MRPL4: variants seen among roughly 807,000 people sequenced by gnomAD.
The protein encoded by MRPL4 is mitochondrial ribosomal protein L4, also known as large ribosomal subunit protein uL4m.
A neutral mutation model predicts 34.1 loss-of-function variants in MRPL4; 34 were observed. That is an observed-to-expected ratio of 1.00 (90% CI 0.76 to 1.33). MRPL4 has a LOEUF of 1.33. Ranked by LOEUF, MRPL4 falls within the 40% of genes most tolerant of loss-of-function variation. MRPL4 has a pLI of 0.00. For missense variants in MRPL4, 402 were observed against 434.6 expected, an observed-to-expected ratio of 0.92 and a Z score of 0.67; for synonymous variants, 196 against 188.3, an observed-to-expected ratio of 1.04 and a Z score of -0.33.
intron 5 of MRPL4, 41 bp downstream of exon 5, chr19:10,256,866 G>GGGGGGGGGGGTGGGGGGGGGGGGGC: frequency 2.6e-6 from 1 of 378,382 alleles, no homozygotes; most frequent in Non-Finnish European, 5.0e-6. Context: ...GGGTGGGGGG[G>GGGGGGGGGGGTGGGGGGGGGGGGGC]CCAGGGAAGG....
chr19:10,254,690 T>C, intron 4 of MRPL4, 50 bp downstream of exon 4: 1 of 1,606,126 alleles, frequency 6.2e-7, no homozygotes, highest in Non-Finnish European at 8.5e-7. Flanking sequence ...CCTGGGGAGG[T>C]TGGGGATAGG....
chr19:10,259,557 T>C (rs1002052378), intron 8 of MRPL4, 60 bp from the exon 9 acceptor site: 1 of 1,542,070 alleles, frequency 6.5e-7, no homozygotes, highest in Non-Finnish European at 8.7e-7. Flanking sequence ...GTGGGTGGGG[T>C]GAGGAGAGAG....
rs757977349 is a variant in MRPL4, at chr19:10,252,299, A to C, written c.46A>C (p.Thr16Pro). The stretch of plus-strand genomic sequence containing the variant: ...CGGGGCGCGGGCCTGGCTTCGGCCT[A>C]CCGGCAGCCAGGTGAGGCCAGGGGC... ...RAGARAWLRPTGSQGLSSLAE... is the reference protein window; with the variant it reads ...RAGARAWLRPPGSQGLSSLAE... The change falls in exon 1 of 9, where the codon ACC becomes CCC. Residue 16 changes from threonine (T) to proline (P), a missense_variant. Transcript: ENST00000253099. 2 of 1,610,056 alleles carry C rather than the reference A, an allele frequency of 1.2e-6. No homozygotes were observed. Among genetic ancestry groups the C allele is most frequent in the East Asian group, 4.5e-5 (2 of 44,806 alleles).
At chr19:10,255,182 A>C (rs1341566459) in intron 4 of MRPL4, 1 of 152,372 alleles carries the variant, frequency 6.6e-6, no homozygotes, top group East Asian at 1.9e-4. Context: ...CCACGAGGAC[A>C]AAACAGGCAA....
chr19:10,259,914 T>C lies in MRPL4; in HGVS notation c.*101T>C. ...GAAGGTGTCACCTGGACCCCTTCAT[T>C]CCACGGAGGAAGCTGAGGCCACAGG... On this transcript the variant is annotated 3_prime_UTR_variant, in exon 9 of 9. Transcript: ENST00000253099. 1 of 1,095,748 alleles carries C rather than the reference T, an allele frequency of 9.1e-7. No homozygotes were observed. Among genetic ancestry groups the C allele is most frequent in the Non-Finnish European group, 1.3e-6 (1 of 786,324 alleles). 67.9% of individuals were successfully genotyped at this position (1,095,748 alleles called of 1,614,324 possible).
intron 4 of MRPL4, chr19:10,255,313 T>G (rs2039839748): frequency 6.6e-6 from 1 of 152,480 alleles, no homozygotes; most frequent in East Asian, 1.9e-4. Context: ...CTCTACCCCT[T>G]CCCCCACAAC....
At chr19:10,256,058 C>A (rs904119998) in intron 4 of MRPL4, among the ~76,000 whole-genome samples, 5 of 152,040 alleles carry the variant, frequency 3.3e-5, no homozygotes, top group South Asian at 4.1e-4. Flanking sequence ...GAGGCCGAGG[C>A]GGATGGATCA....
At chr19:10,253,871 T>C (rs2039823604) in intron 3 of MRPL4, among the ~76,000 whole-genome samples, 1 of 152,140 alleles carries the variant, frequency 6.6e-6, no homozygotes. Context: ...CATTGTAGCA[T>C]GGGGCACTGG....
intron 5 of MRPL4, 66 bp from the exon 6 acceptor site, chr19:10,258,156 C>A (rs1644036564): frequency 4.3e-6 from 5 of 1,158,192 alleles, no homozygotes; most frequent in South Asian, 2.6e-5. Context: ...CCAGCCACTG[C>A]AGCAGATTGC....
chr19:10,252,439 A>T lies in MRPL4; in HGVS notation c.100A>T (p.Asn34Tyr). ...LAEEAARATE[N>Y]PEQVASEGLP... ...GGAAGAGGCAGCGCGTGCGACCGAG[A>T]ACCCGGAGCAGGTGGCGAGCGAGGG... The change falls in exon 2 of 9, where the codon AAC becomes TAC. Residue 34 changes from asparagine (N) to tyrosine (Y), a missense_variant. Physicochemically the swap from Asn to Tyr is moderately radical, Grantham distance 143 (BLOSUM62 -2). Coordinates refer to ENST00000253099, the MANE Select transcript of MRPL4 (RefSeq NM_015956.3). 1.2e-6 allele frequency: 2 copies of T among 1,613,988 alleles called. No homozygotes were observed. The highest frequency in any genetic ancestry group is 1.6e-4 in the Middle Eastern group (1 of 6,062).
rs755910219 is a variant in MRPL4, at chr19:10,252,651, G to C, written c.225G>C (p.Glu75Asp). 3.7e-5 allele frequency: 60 copies of C among 1,608,842 alleles called. No individual in the cohort carries two copies. Among genetic ancestry groups the C allele is most frequent in the Non-Finnish European group, 4.7e-5 (56 of 1,179,890 alleles). ...AGTCCTTGCGGGGCTTCGAGCAGGA[G>C]CGCGTGGGCCTGGCCGACCTGCACC... is the stretch of plus-strand genomic sequence containing the variant. ...WVESLRGFEQ[E>D]RVGLADLHPD... The change falls in exon 3 of 9, where the codon GAG becomes GAC. Residue 75 changes from glutamate (E) to aspartate (D), a missense_variant. Transcript: ENST00000253099.
rs756219069 is a variant in MRPL4, at chr19:10,259,780, C to T, written c.903C>T (p.Thr301=). ...TCCCCCGACCCCTACCCCACGCTACCCAGGGCCCAGCGGCCACCCCGTACC... is the reference window on the plus strand; with the variant it reads ...TCCCCCGACCCCTACCCCACGCTACTCAGGGCCCAGCGGCCACCCCGTACC... ...SDFPRPLPHA[T]QGPAATPYHC is the part of the protein sequence containing the mutation. The change falls in exon 9 of 9, where the codon ACC becomes ACT. Residue 301 remains threonine, a synonymous_variant. Transcript: ENST00000253099. The T allele has an allele frequency of 1.2e-6, 2 of 1,613,572 alleles. No homozygotes were observed. The highest frequency in any genetic ancestry group is 1.3e-5 in the African/African-American group (1 of 75,024).
In MRPL4 at chr19:10,259,777, T is replaced by C. The variant is rs1195546337; in HGVS notation, c.900T>C (p.Ala300=). The change falls in exon 9 of 9, where the codon GCT becomes GCC. Residue 300 remains alanine, a synonymous_variant. Coordinates refer to ENST00000253099, the MANE Select transcript of MRPL4 (RefSeq NM_015956.3). ...ACTTCCCCCGACCCCTACCCCACGC[T>C]ACCCAGGGCCCAGCGGCCACCCCGT... The part of the protein sequence containing the change: ...YSDFPRPLPH[A]TQGPAATPYH... The C allele has an allele frequency of 2.5e-6, 4 of 1,613,144 alleles. No homozygotes were observed. Among genetic ancestry groups the C allele is most frequent in the Non-Finnish European group, 3.4e-6 (4 of 1,179,588 alleles).
In MRPL4 at chr19:10,254,738, G is replaced by A. The variant is rs972392986; in HGVS notation, c.327+98G>A. On this transcript the variant is annotated intron_variant, in intron 4 of 8. Coordinates refer to ENST00000253099, the MANE Select transcript of MRPL4 (RefSeq NM_015956.3). ...CCCATCGCTGGGTTTTCTCTGGACT[G>A]CTCGGCTGGGGCCTCATCTGTCTCC... 3.4e-5 allele frequency: 44 copies of A among 1,286,192 alleles called. No individual in the cohort carries two copies. The African/African-American group carries it at 5.7e-4, about 17-fold the overall frequency. The allele number at this position is 1,286,192 out of a possible 1,614,324, so 79.7% of individuals were successfully genotyped here.
At chr19:10,259,064 A>G in intron 8 of MRPL4, 1 of 1,300,712 alleles carries the variant, frequency 7.7e-7, no homozygotes, top group Non-Finnish European at 9.7e-7. Context: ...GCACCACTGC[A>G]CCCAAACCTG....
In MRPL4 at chr19:10,258,640, G is replaced by C; in HGVS notation, c.694G>C (p.Glu232Gln). The change falls in exon 8 of 9, where the codon GAG (glutamate) becomes CAG (glutamine). Residue 232 changes from glutamate (E) to glutamine (Q), a missense_variant. Transcript: ENST00000253099. ...THEEMPQSIV[E>Q]ATSRLKTFNL... is the part of the protein sequence containing the mutation. ...CGAGGAGATGCCACAGAGCATCGTG[G>C]AGGCCACCTCTAGGCTTAAGACCTT... 1 of 1,614,178 alleles carries C rather than the reference G, an allele frequency of 6.2e-7. No individual in the cohort carries two copies. The highest frequency in any genetic ancestry group is 1.3e-5 in the African/African-American group (1 of 75,050).
chr19:10,258,462 A>G lies in MRPL4; in HGVS notation c.602A>G (p.Gln201Arg). The change falls in exon 7 of 9, where the codon CAG (glutamine) becomes CGG (arginine). Residue 201 changes from glutamine to arginine, a missense_variant. Coordinates refer to ENST00000253099, the MANE Select transcript of MRPL4 (RefSeq NM_015956.3). ...DSLELPTGDP[Q>R]YLTELAHYRR... is the part of the protein sequence containing the mutation. ...CTAGAGCTGCCCACCGGAGACCCAC[A>G]GTACCTGACAGAGCTGGCGCACTAC... 6.2e-7 allele frequency: 1 copy of G among 1,613,974 alleles called. No individual in the cohort carries two copies. Among genetic ancestry groups the G allele is most frequent in the South Asian group, 1.1e-5 (1 of 91,060 alleles).
At chr19:10,257,546 G>T (rs1284417294) in intron 5 of MRPL4, among the ~76,000 whole-genome samples, 3 of 152,040 alleles carry the variant, frequency 2.0e-5, no homozygotes, top group African/African-American at 7.2e-5. Context: ...TGAGGGCAGG[G>T]ACCATGTCTG....
chr19:10,259,171 G>A (rs1418493963), intron 8 of MRPL4: 1 of 1,063,278 alleles, frequency 9.4e-7, no homozygotes, highest in East Asian at 7.9e-5. Context: ...TCCTTCCACA[G>A]CCACAAGATG....
Sources: allele counts gnomAD v4.1 joint callset (sites outside exome capture counted in the v4.1 genomes callset), GRCh38; gene constraint gnomAD v4.1.1; transcripts MANE v1.5; gene names NCBI Gene and HGNC (gene_info 2026-07-23, HGNC 2026-07-21).